The following CYREN variants were observed in gnomAD, a reference collection of about 807,000 sequenced individuals.
CYREN encodes cell cycle regulator of NHEJ.
In CYREN, 7 loss-of-function variants were observed where a neutral mutation model predicts 9.7. The observed-to-expected ratio is 0.72, with a 90% CI of 0.41 to 1.36. The LOEUF (loss-of-function observed/expected upper bound fraction) is 1.36, where lower values mean the gene tolerates loss of function less well. Ranked by LOEUF, CYREN falls within the 40% of genes most tolerant of loss-of-function variation. The pLI is 0.01. For synonymous variants in CYREN, 76 were observed against 77.9 expected (o/e 0.98, Z 0.13); for missense variants, 215 against 198.1 (o/e 1.09, Z -0.51).
chr7:135,159,539 G>A (rs1829876680), intron 2 of CYREN, among the ~76,000 whole-genome samples: 1 of 152,152 alleles, frequency 6.6e-6, no homozygotes. Flanking sequence ...GCCCTGCTCA[G>A]GCTGTAACTC....
At chr7:135,145,365 T>C (rs1278037886) in intron 2 of CYREN, among the ~76,000 whole-genome samples, 1 of 152,134 alleles carries the variant, frequency 6.6e-6, no homozygotes, top group African/African-American at 2.4e-5. Context: ...CAGAACTGAA[T>C]AAATGGAGAA....
chr7:135,139,397 T>C (rs1168027335), intron 2 of CYREN, among the ~76,000 whole-genome samples: 1 of 151,990 alleles, frequency 6.6e-6, no homozygotes, highest in Non-Finnish European at 1.5e-5. Flanking sequence ...TTGAGAAGTG[T>C]CTATTCGTGT....
intron 2 of CYREN, among the ~76,000 whole-genome samples, chr7:135,097,831 A>C (rs757303021): frequency 2.6e-5 from 4 of 152,168 alleles, no homozygotes; most frequent in Non-Finnish European, 5.9e-5. Flanking sequence ...GGGAAGAAAT[A>C]AGACTGACTC....
downstream of CYREN, chr7:135,164,502 G>T (rs377705250): frequency 6.2e-7 from 1 of 1,613,020 alleles, no homozygotes; most frequent in Non-Finnish European, 8.5e-7. Flanking sequence ...CATAGTCCTC[G>T]TGATTGTGGT....
chr7:135,113,557 A>C (rs551767416), intron 2 of CYREN, among the ~76,000 whole-genome samples: 14 of 152,330 alleles, frequency 9.2e-5, no homozygotes, highest in Middle Eastern at 3.4e-3. Flanking sequence ...CAATTTAAGC[A>C]TGACAATTAT....
intron 2 of CYREN, among the ~76,000 whole-genome samples, chr7:135,096,129 G>A (rs774159556): frequency 2.7e-4 from 39 of 147,016 alleles, no homozygotes; most frequent in Non-Finnish European, 5.1e-4. Context: ...TCCAGGCTGG[G>A]TGACAGAGAC....
At chr7:135,115,056 C>T (rs576842994) in intron 2 of CYREN, among the ~76,000 whole-genome samples, 1 of 152,226 alleles carries the variant, frequency 6.6e-6, no homozygotes, top group South Asian at 2.1e-4. Flanking sequence ...ATTATCTTTC[C>T]CCTGAAACCT....
At position 135,151,805 on chromosome 7, in the gene CYREN, G is replaced by A. The variant is rs566000238; in HGVS notation, n.356+16944C>T. 3.9e-5 allele frequency among the ~76,000 whole-genome samples: 6 copies of A among 152,190 alleles called. No individual in the cohort carries two copies. Among genetic ancestry groups the A allele is most frequent in the African/African-American group, 1.2e-4 (5 of 41,436 alleles). ...TCATATGACTAGTGAGTGACAGAAC[G>A]ACGACATGCTCCCAGGTCATCTGGC... On this transcript the variant is annotated intron_variant and non_coding_transcript_variant, in intron 2 of 2. Transcript: ENST00000459937. This position sits in a 1 kb window ranked among gnomAD's most constrained non-coding sequence, Gnocchi z 4.3.
intron 2 of CYREN, among the ~76,000 whole-genome samples, chr7:135,116,110 A>G (rs1826276519): frequency 6.6e-6 from 1 of 152,216 alleles, no homozygotes; most frequent in Admixed American, 6.5e-5. Context: ...AATAATAAAT[A>G]CAATACTAAT....
At chr7:135,129,754 A>G (rs1828466109) in intron 2 of CYREN, 3 of 679,750 alleles carry the variant, frequency 4.4e-6, no homozygotes, top group South Asian at 3.2e-5. Flanking sequence ...CAAGTACACA[A>G]AGTAACCCTG....
At chr7:135,114,166 T>C (rs1826005789) in intron 2 of CYREN, among the ~76,000 whole-genome samples, 1 of 152,206 alleles carries the variant, frequency 6.6e-6, no homozygotes, top group Non-Finnish European at 1.5e-5. Flanking sequence ...TATGAATGTA[T>C]CTATGTCTCT....
chr7:135,128,185 G>A (rs1236699702), intron 2 of CYREN, among the ~76,000 whole-genome samples: 4 of 149,210 alleles, frequency 2.7e-5, no homozygotes, highest in African/African-American at 7.4e-5. Flanking sequence ...CCAGCTACTC[G>A]GGAGGCTGCG....
At chr7:135,132,599 G>A (rs570784475) in intron 2 of CYREN, among the ~76,000 whole-genome samples, 20 of 152,256 alleles carry the variant, frequency 1.3e-4, no homozygotes, top group East Asian at 3.9e-4. Flanking sequence ...TAATCCCCAC[G>A]TGTCAAGGCA....
At chr7:135,106,922 T>C (rs1258547099) in intron 2 of CYREN, among the ~76,000 whole-genome samples, 1 of 152,196 alleles carries the variant, frequency 6.6e-6, no homozygotes, top group Non-Finnish European at 1.5e-5. Context: ...GGAATCGATT[T>C]CTTCCTGGTT....
At chr7:135,095,522 AG>A (rs1822534609) in intron 2 of CYREN, among the ~76,000 whole-genome samples, 1 of 152,214 alleles carries the variant, frequency 6.6e-6, no homozygotes, top group African/African-American at 2.4e-5. Flanking sequence ...CCCATAGTAA[AG>A]GCCTATTAAC....
intron 2 of CYREN, chr7:135,135,253 G>C: frequency 6.6e-7 from 1 of 1,517,658 alleles, no homozygotes; most frequent in East Asian, 2.5e-5. Flanking sequence ...GTTCCAAAGG[G>C]AGAGTTAATC....
chr7:135,136,448 T>C (rs943331971), intron 2 of CYREN, among the ~76,000 whole-genome samples: 3 of 152,114 alleles, frequency 2.0e-5, no homozygotes, highest in African/African-American at 7.2e-5. Context: ...TAGATGGTGC[T>C]TTGAAGGCAA....
intron 2 of CYREN, among the ~76,000 whole-genome samples, chr7:135,140,794 C>G (rs1006905314): frequency 2.0e-5 from 3 of 151,922 alleles, no homozygotes; most frequent in Non-Finnish European, 4.4e-5. Flanking sequence ...TTATCAAAAG[C>G]CTTTTCTGCA....
intron 2 of CYREN, chr7:135,101,105 A>G (rs1198276150): frequency 2.2e-6 from 1 of 449,966 alleles, no homozygotes; most frequent in Non-Finnish European, 4.5e-6. Flanking sequence ...TCAGAGTCAT[A>G]GCAAAGACCA....
Sources: gnomAD v4.1 joint callset for allele counts (sites outside exome capture counted in the v4.1 genomes callset) on GRCh38, gnomAD v4.1.1 for gene constraint, Gnocchi (gnomAD v3.1) non-coding constraint, MANE v1.5 for transcripts, NCBI Gene and HGNC (gene_info 2026-07-23, HGNC 2026-07-21) for gene names.